Variants in XPNPEP2 observed in about 807,000 individuals in gnomAD.
XPNPEP2 encodes X-prolyl aminopeptidase 2.
Under a neutral mutation model 59.8 loss-of-function variants are expected in XPNPEP2, and 64 were observed. The observed-to-expected ratio is 1.07, with a 90% CI of 0.87 to 1.32. XPNPEP2 has a LOEUF of 1.32. Among genes scored for constraint, XPNPEP2 ranks in the 40% most tolerant of loss-of-function variants. XPNPEP2 has a pLI of 0.00. For synonymous variants in XPNPEP2, 235 were observed against 210.0 expected (o/e 1.12, Z -1.03); for missense variants, 575 against 546.8 (o/e 1.05, Z -0.51).
At chrX:129,745,516 C>T (rs55932983) in intron 4 of XPNPEP2, among the ~76,000 whole-genome samples, 2,104 of 111,756 alleles carry the variant, frequency 0.019, 42 homozygotes, top group African/African-American at 0.064. Context: ...ATTACCTCTG[C>T]TGCAACCAGG....
Position 129,752,312 on chromosome X carries a change from T to C in XPNPEP2, c.984T>C (p.Tyr328=), listed in dbSNP as rs1926436438. 6 of 1,211,811 alleles carry C rather than the reference T, an allele frequency of 5.0e-6. No individual in the cohort carries two copies. The highest frequency in any genetic ancestry group is 5.9e-5 in the East Asian group (2 of 33,863). ...TGAGGATCTGGATTGGGACCAGCTA[T>C]ACCATGTATGGGATCTATGAAATGA... ...GDVRIWIGTS[Y]TMYGIYEMIP... The change falls in exon 10 of 21, where the codon TAT becomes TAC. Residue 328 remains tyrosine (Y), a synonymous_variant. Coordinates refer to ENST00000371106, the MANE Select transcript of XPNPEP2 (RefSeq NM_003399.6).
chrX:129,762,864 AGG>A (rs1183080029), intron 19 of XPNPEP2, 94 bp downstream of exon 19: 1 of 779,332 alleles, frequency 1.3e-6, no homozygotes, highest in African/African-American at 2.0e-5. Flanking sequence ...TCAAAGGAGA[AGG>A]GCATTTAGTG....
chrX:129,753,913 A>G (rs2055422630), intron 11 of XPNPEP2, among the ~76,000 whole-genome samples: 1 of 112,258 alleles, frequency 8.9e-6, no homozygotes, highest in Middle Eastern at 4.6e-3. Context: ...TGAGAATTCA[A>G]TGAATATGTA....
At position 129,759,167 on chromosome X, in the gene XPNPEP2, T is replaced by C; in HGVS notation, c.1368-13T>C. The stretch of plus-strand genomic sequence containing the variant: ...CCCCAGGCATTTGGCATGTTGGTTT[T>C]CCTTCTCCATAGGGACGGGACCACA... On this transcript the variant is annotated splice_polypyrimidine_tract_variant and intron_variant, in intron 14 of 20. Transcript: ENST00000371106. 8.3e-7 allele frequency: 1 copy of C among 1,211,579 alleles called. No individual in the cohort carries two copies. Among genetic ancestry groups the C allele is most frequent in the African/African-American group, 1.7e-5 (1 of 57,714 alleles).
intron 2 of XPNPEP2, among the ~76,000 whole-genome samples, chrX:129,743,198 A>G (rs1244421483): frequency 8.9e-6 from 1 of 112,869 alleles, no homozygotes; most frequent in African/African-American, 3.2e-5. Flanking sequence ...ATTAAAACAA[A>G]CATGGATATA....
chrX:129,746,482 G>A (rs1217230391), intron 5 of XPNPEP2, 113 bp from the exon 6 acceptor site: 1 of 958,196 alleles, frequency 1.0e-6, no homozygotes, highest in African/African-American at 1.9e-5. Context: ...TGACTTTCAA[G>A]GCTGATCTCA....
chrX:129,739,301 C>T (rs753930991), intron 1 of XPNPEP2, 39 bp downstream of exon 1: 12 of 1,176,435 alleles, frequency 1.0e-5, no homozygotes, highest in Non-Finnish European at 1.4e-5. Flanking sequence ...GCAGCTCTGA[C>T]CTCTCCCCTC....
At chrX:129,755,907 C>T (rs1045120291) in intron 13 of XPNPEP2, among the ~76,000 whole-genome samples, 3 of 112,726 alleles carry the variant, frequency 2.7e-5, no homozygotes, top group Admixed American at 9.3e-5. Context: ...CCCACGCCTT[C>T]GGCTGCCTTG....
intron 12 of XPNPEP2, 58 bp from the exon 13 acceptor site, chrX:129,755,235 CG>C: frequency 9.1e-7 from 1 of 1,095,879 alleles, no homozygotes; most frequent in Non-Finnish European, 1.3e-6. Context: ...TTAGATATCC[CG>C]GGCCCAGCCT....
At chrX:129,758,870 C>T (rs1366221215) in intron 14 of XPNPEP2, among the ~76,000 whole-genome samples, 1 of 111,886 alleles carries the variant, frequency 8.9e-6, no homozygotes, top group East Asian at 2.8e-4. Context: ...AGAAGCCTTG[C>T]TTTCATAACC....
At chrX:129,757,893 GAGAAA>G (rs1225345808) in intron 14 of XPNPEP2, among the ~76,000 whole-genome samples, 5 of 51,782 alleles carry the variant, frequency 9.7e-5, no homozygotes, top group African/African-American at 3.1e-4. Context: ...GAGAGAGAGA[GAGAAA>G]GAAAGAAAGA....
In XPNPEP2 at chrX:129,755,485, C is replaced by T. The variant is rs1034276122; in HGVS notation, c.1295+114C>T. 6 of 726,075 alleles carry T rather than the reference C, an allele frequency of 8.3e-6. No homozygotes were observed. The African/African-American group carries it at 8.5e-5, about 10-fold the overall frequency. The allele number at this position is 726,075 out of a possible 1,213,427, so 59.8% of individuals were successfully genotyped here. ...GGGACCTGAGTCCACGTTGAAGGTC[C>T]GAGGCCCCTAGCCCTGTGGGGGCTG... is the stretch of plus-strand genomic sequence containing the variant. On this transcript the variant is annotated intron_variant, in intron 13 of 20. Coordinates refer to ENST00000371106, the MANE Select transcript of XPNPEP2 (RefSeq NM_003399.6).
At position 129,746,352 on chromosome X, in the gene XPNPEP2, G is replaced by T. The variant is rs769731066; in HGVS notation, c.403+12G>T. ...GCTCCATAAGGAAGGTAGAAGGGCC[G>T]CATGGATTTGTTCCCCAAGTCTTGG... On this transcript the variant is annotated intron_variant, in intron 5 of 20. Transcript: ENST00000371106. 4 of 1,193,971 alleles carry T rather than the reference G, an allele frequency of 3.4e-6. No homozygotes were observed. The highest frequency in any genetic ancestry group is 2.2e-5 in the Admixed American group (1 of 45,936).
chrX:129,753,305 GA>G, intron 11 of XPNPEP2, 57 bp downstream of exon 11: 1 of 1,065,319 alleles, frequency 9.4e-7, no homozygotes, highest in Non-Finnish European at 1.3e-6. Context: ...TAATGAGTTA[GA>G]AAGGAAAGGC....
intron 15 of XPNPEP2, among the ~76,000 whole-genome samples, chrX:129,759,706 G>A (rs984624575): frequency 4.4e-5 from 5 of 112,989 alleles, no homozygotes; most frequent in African/African-American, 1.3e-4. Flanking sequence ...CCGTCATGCT[G>A]CATGCAGCAG....
At chrX:129,762,388 AC>A (rs1259718714) in intron 18 of XPNPEP2, among the ~76,000 whole-genome samples, 1 of 112,140 alleles carries the variant, frequency 8.9e-6, no homozygotes, top group Non-Finnish European at 1.9e-5. Flanking sequence ...TGCTGGAGTA[AC>A]AGGACAGTGG....
intron 6 of XPNPEP2, chrX:129,746,995 C>T: frequency 3.4e-6 from 1 of 294,703 alleles, no homozygotes; most frequent in South Asian, 4.9e-5. Flanking sequence ...GAACCATCCT[C>T]TGTGCCCTGG....
chrX:129,754,167 G>A (rs1439664210), intron 11 of XPNPEP2, among the ~76,000 whole-genome samples: 1 of 111,515 alleles, frequency 9.0e-6, no homozygotes, highest in African/African-American at 3.3e-5. Context: ...CTTGACTCAT[G>A]GCCATTCTTG....
chrX:129,743,188 A>G (rs1364464485), intron 2 of XPNPEP2, among the ~76,000 whole-genome samples: 1 of 112,831 alleles, frequency 8.9e-6, no homozygotes, highest in Non-Finnish European at 1.9e-5. Context: ...TTACTTTTAT[A>G]TTAAAACAAA....
Sources: gnomAD v4.1 joint callset for allele counts (sites outside exome capture counted in the v4.1 genomes callset) on GRCh38, gnomAD v4.1.1 for gene constraint, MANE v1.5 for transcripts, NCBI Gene and HGNC (gene_info 2026-07-23, HGNC 2026-07-21) for gene names.